The following ST3GAL1 variants were observed in gnomAD, a reference collection of about 807,000 sequenced individuals.
ST3GAL1 encodes the protein CMP-N-acetylneuraminate-beta-galactosamide-alpha-2,3-sialyltransferase 1.
Under a neutral mutation model 34.1 loss-of-function variants are expected in ST3GAL1, and 16 were observed. That is an observed-to-expected ratio of 0.47 (90% CI 0.32 to 0.71). ST3GAL1 has a LOEUF of 0.71. Among genes scored for constraint, ST3GAL1 ranks in the 30% least tolerant of loss-of-function variants. The pLI, the probability that ST3GAL1 is intolerant of heterozygous loss-of-function variation, is 0.04. For synonymous variants in ST3GAL1, 191 were observed against 184.7 expected, an observed-to-expected ratio of 1.03 and a Z score of -0.28; for missense variants, 353 against 447.4, an observed-to-expected ratio of 0.79 and a Z score of 1.90.
chr8:133,489,338 C>T (rs1247530537), intron 3 of ST3GAL1, among the ~76,000 whole-genome samples: 1 of 152,118 alleles, frequency 6.6e-6, no homozygotes, highest in East Asian at 1.9e-4. Flanking sequence ...CAATGAGTGC[C>T]CCAGGAGCTG....
intron 1 of ST3GAL1, among the ~76,000 whole-genome samples, chr8:133,565,211 C>G (rs2131116692): frequency 6.6e-6 from 1 of 150,754 alleles, no homozygotes; most frequent in African/African-American, 2.5e-5. Flanking sequence ...CAGGCCTGCT[C>G]CTAATCCACC....
rs774346116 is a variant in ST3GAL1, at chr8:133,465,968, G to A, written c.429C>T (p.Ala143=). ...TCAGGTTGCCCGAGTTGCCCACAAC[G>A]GCGCAGCGCCGGCAGCCCACCGACC... is the stretch of plus-strand genomic sequence containing the variant. ...EKRSVGCRRC[A]VVGNSGNLRE... The change falls in exon 6 of 10, where the codon GCC becomes GCT. Residue 143 remains alanine (A), a synonymous_variant. Coordinates refer to ENST00000522652, the MANE Select transcript of ST3GAL1 (RefSeq NM_173344.3). 34 of 1,614,134 alleles carry A rather than the reference G, an allele frequency of 2.1e-5. No homozygotes were observed. The highest frequency in any genetic ancestry group is 8.8e-5 in the South Asian group (8 of 91,084).
chr8:133,546,519 TAGA>T (rs1186790133), intron 1 of ST3GAL1, among the ~76,000 whole-genome samples: 2 of 149,074 alleles, frequency 1.3e-5, no homozygotes, highest in Admixed American at 6.7e-5. Context: ...CAACTCCATC[TAGA>T]AGAAGAATTT....
At chr8:133,483,603 C>T (rs1012987759) in intron 3 of ST3GAL1, among the ~76,000 whole-genome samples, 2 of 152,212 alleles carry the variant, frequency 1.3e-5, no homozygotes, top group African/African-American at 4.8e-5. Flanking sequence ...TGGTATTACA[C>T]AAATGATGAT....
rs1815482733 is a variant in ST3GAL1 at position 133,461,147 on chromosome 8, T to G, written c.849+728A>C. On this transcript the variant is annotated intron_variant, in intron 9 of 9. Transcript: ENST00000522652. This position sits in a 1 kb window ranked among gnomAD's most constrained non-coding sequence, Gnocchi z 4.7. Reference sequence around the variant, plus strand: ...CAGGGTGGGGCTGAGCCTGGGGACCTGCCTTGCAATGCCTCTGACCCTTTC... The same window carrying G: ...CAGGGTGGGGCTGAGCCTGGGGACCGGCCTTGCAATGCCTCTGACCCTTTC... Among the ~76,000 whole-genome samples, 1 of 151,974 alleles carries G rather than the reference T, an allele frequency of 6.6e-6. No homozygotes were observed. The highest frequency in any genetic ancestry group is 6.5e-5 in the Admixed American group (1 of 15,270).
At chr8:133,460,499 C>T (rs534336829) in intron 9 of ST3GAL1, among the ~76,000 whole-genome samples, 82 of 152,346 alleles carry the variant, frequency 5.4e-4, no homozygotes, top group African/African-American at 1.9e-3. Flanking sequence ...CTGGTCCAGG[C>T]GCCCTCAGGG....
intron 1 of ST3GAL1, among the ~76,000 whole-genome samples, chr8:133,565,393 G>A (rs1819363954): frequency 6.6e-6 from 1 of 152,096 alleles, no homozygotes; most frequent in African/African-American, 2.4e-5. Flanking sequence ...GGGCCTTGTG[G>A]TCTCTCTCTT....
intron 2 of ST3GAL1, among the ~76,000 whole-genome samples, chr8:133,535,493 A>G (rs1020045083): frequency 6.7e-6 from 1 of 150,354 alleles, no homozygotes; most frequent in African/African-American, 2.5e-5. Flanking sequence ...TGCTCATTCC[A>G]TTGGCATTTT....
intron 1 of ST3GAL1, among the ~76,000 whole-genome samples, chr8:133,555,513 G>C (rs1323706293): frequency 6.6e-6 from 1 of 152,094 alleles, no homozygotes; most frequent in Non-Finnish European, 1.5e-5. Flanking sequence ...CATTCGTCCT[G>C]CCCTCCCATC....
intron 3 of ST3GAL1, among the ~76,000 whole-genome samples, chr8:133,485,336 C>T (rs1249203191): frequency 1.3e-5 from 2 of 152,236 alleles, no homozygotes. Flanking sequence ...GCCCCAGAAT[C>T]TGGACTCCAG....
chr8:133,517,541 G>A (rs1817683508), intron 2 of ST3GAL1, among the ~76,000 whole-genome samples: 1 of 152,104 alleles, frequency 6.6e-6, no homozygotes, highest in Non-Finnish European at 1.5e-5. Flanking sequence ...GTAAAGACAG[G>A]GTTTCACCAT....
intron 3 of ST3GAL1, among the ~76,000 whole-genome samples, chr8:133,480,166 C>T (rs1246384021): frequency 6.6e-6 from 1 of 152,212 alleles, no homozygotes; most frequent in East Asian, 1.9e-4. Context: ...TTCCCAGCCA[C>T]ATGCTCAATA....
At chr8:133,506,948 TA>T (rs1451719755) in intron 2 of ST3GAL1, among the ~76,000 whole-genome samples, 1 of 105,332 alleles carries the variant, frequency 9.5e-6, no homozygotes, top group Non-Finnish European at 2.0e-5. Flanking sequence ...TATAAATAAA[TA>T]AATAAATAAT....
chr8:133,496,418 C>G (rs1816947420), intron 3 of ST3GAL1, among the ~76,000 whole-genome samples: 1 of 152,200 alleles, frequency 6.6e-6, no homozygotes, highest in African/African-American at 2.4e-5. Context: ...CCTAGGACAT[C>G]TCTTTGCTAA....
Position 133,508,916 on chromosome 8 carries a change from G to A in ST3GAL1, c.-428-9727C>T, listed in dbSNP as rs113415685. ...AGTATGAAACTCAAGCTGGCTGCCC[G>A]CTGTGCTTTGAGTAATGAAGTCCCT... On this transcript the variant is annotated intron_variant, in intron 2 of 9. Coordinates refer to ENST00000522652, the MANE Select transcript of ST3GAL1 (RefSeq NM_173344.3). The surrounding 1 kb of genome is among the most constrained non-coding windows in gnomAD (Gnocchi z 4.1). Among the ~76,000 whole-genome samples, 32 of 152,172 alleles carry A rather than the reference G, an allele frequency of 2.1e-4. 1 individual carries two copies. The highest frequency in any genetic ancestry group is 7.0e-4 in the African/African-American group (29 of 41,524).
At chr8:133,483,139 C>T (rs1816460520) in intron 3 of ST3GAL1, among the ~76,000 whole-genome samples, 2 of 152,168 alleles carry the variant, frequency 1.3e-5, no homozygotes, top group Admixed American at 6.5e-5. Context: ...GTCAGGAGTT[C>T]GAGACCAGCC....
chr8:133,500,037 G>A (rs1399553576), intron 2 of ST3GAL1, among the ~76,000 whole-genome samples: 1 of 152,222 alleles, frequency 6.6e-6, no homozygotes, highest in Admixed American at 6.5e-5. Flanking sequence ...AAGTGGTGTT[G>A]TCATTGTTGT....
intron 2 of ST3GAL1, among the ~76,000 whole-genome samples, chr8:133,500,230 C>A (rs1221386103): frequency 1.3e-5 from 2 of 152,122 alleles, no homozygotes; most frequent in Non-Finnish European, 2.9e-5. Context: ...GTTAAGACCG[C>A]CTGGGCCTCA....
chr8:133,566,770 C>G (rs1403082185), intron 1 of ST3GAL1, among the ~76,000 whole-genome samples: 1 of 152,178 alleles, frequency 6.6e-6, no homozygotes, highest in East Asian at 1.9e-4. Context: ...TTTAAAAAGG[C>G]AAATGCAAAG....
Sources: allele counts gnomAD v4.1 joint callset (sites outside exome capture counted in the v4.1 genomes callset), GRCh38; gene constraint gnomAD v4.1.1; non-coding constraint Gnocchi (gnomAD v3.1); transcripts MANE v1.5; gene names NCBI Gene and HGNC (gene_info 2026-07-23, HGNC 2026-07-21).